Variants in LRCH1 observed in about 807,000 individuals in gnomAD.
LRCH1 encodes leucine rich repeats and calponin homology domain containing 1, also known as leucine-rich repeat and calponin homology domain-containing protein 1.
A neutral mutation model predicts 94.9 loss-of-function variants in LRCH1; 23 were observed. The ratio of observed to expected loss-of-function variants is 0.24; its 90% CI spans 0.17 to 0.34. The LOEUF is 0.34. Ranked by LOEUF, LRCH1 falls within the 10% of genes least tolerant of loss-of-function variation. The pLI is 1.00. For missense variants in LRCH1, 790 were observed against 945.9 expected, an observed-to-expected ratio of 0.84 and a Z score of 2.16; for synonymous variants, 364 against 354.9, an observed-to-expected ratio of 1.03 and a Z score of -0.29.
chr13:46,716,468 GTGAT>G (rs1320133461), intron 16 of LRCH1, among the ~76,000 whole-genome samples: 1 of 152,190 alleles, frequency 6.6e-6, no homozygotes. Flanking sequence ...AGAATACAAA[GTGAT>G]TGCAGTCGAG....
rs67827727 is a variant in LRCH1 at position 46,677,255 on chromosome 13, C to CAA, written c.580-4464_580-4463dup. ...TGAAACCTCGTCTCTACTAAAAATA[C>CAA]AAAAAAAAAAAAAAAAAAAAAAAGT... On this transcript the variant is annotated intron_variant, in intron 3 of 19. Transcript: ENST00000389797. Among the ~76,000 whole-genome samples, 903 of 98,034 alleles carry CAA rather than the reference C, an allele frequency of 9.2e-3. 26 individuals are homozygous for CAA. The highest frequency in any genetic ancestry group is 0.074 in the East Asian group (241 of 3,254). 64.3% of individuals were successfully genotyped at this position (98,034 alleles called of 152,430 possible). A position where few individuals can be genotyped will look rare whatever the true frequency, so the allele number is the denominator to read the frequency against.
intron 17 of LRCH1, among the ~76,000 whole-genome samples, chr13:46,726,862 CAAAAAAAAAA>C (rs71077918): frequency 1.3e-5 from 1 of 78,004 alleles, no homozygotes; most frequent in Non-Finnish European, 2.3e-5. Flanking sequence ...AGAGCAGTGT[CAAAAAAAAAA>C]AAAAAAAAAA....
intron 1 of LRCH1, among the ~76,000 whole-genome samples, chr13:46,628,663 GA>G (rs1168425782): frequency 2.0e-4 from 29 of 144,118 alleles, no homozygotes; most frequent in African/African-American, 5.1e-4. Context: ...TCTCAGGGAA[GA>G]AAAAAAAAAA....
rs186775016 is a variant in LRCH1 at position 46,605,909 on chromosome 13, G to C, written c.308-44292G>C. On this transcript the variant is annotated intron_variant, in intron 1 of 19. Coordinates refer to ENST00000389797, the MANE Select transcript of LRCH1 (RefSeq NM_001164211.2). The stretch of plus-strand genomic sequence containing the variant: ...AAAGATAAGATGTCAGAGCTGGAAG[G>C]CTTCTTAGATATTGTCGGGTTCAAT... Among the ~76,000 whole-genome samples the C allele has an allele frequency of 6.8e-4, 104 of 152,272 alleles. 1 individual carries two copies. Among genetic ancestry groups the C allele is most frequent in the African/African-American group, 2.1e-3 (88 of 41,556 alleles).
intron 1 of LRCH1, among the ~76,000 whole-genome samples, chr13:46,599,340 AT>A (rs922275888): frequency 1.3e-5 from 2 of 151,344 alleles, no homozygotes; most frequent in African/African-American, 2.4e-5. Flanking sequence ...CCTGTTTTCA[AT>A]TTTTTTTTGT....
chr13:46,723,729 A>G (rs757554539), intron 17 of LRCH1, among the ~76,000 whole-genome samples: 7 of 151,982 alleles, frequency 4.6e-5, no homozygotes, highest in Non-Finnish European at 1.0e-4. Context: ...GAGCCCAGGA[A>G]TGCGAGGCTG....
At chr13:46,751,895 G>A (rs148059772) in exon 19 of LRCH1, 53 of 152,348 alleles carry the variant, frequency 3.5e-4, no homozygotes, top group African/African-American at 1.2e-3. Flanking sequence ...TCTGAGATGT[G>A]CTCATTTTAT....
rs551678501 is a variant in LRCH1 at position 46,582,648 on chromosome 13, C to CTTTT, written c.307+28966_307+28969dup. On this transcript the variant is annotated intron_variant, in intron 1 of 19. Coordinates refer to ENST00000389797, the MANE Select transcript of LRCH1 (RefSeq NM_001164211.2). ...CACAGGCACGCACCACCATGCCCAGCTTTTTTTTTTTTTTTTTTTTTTTTG... is the reference window on the plus strand; with the variant it reads ...CACAGGCACGCACCACCATGCCCAGCTTTTTTTTTTTTTTTTTTTTTTTTTTTTG... Among the ~76,000 whole-genome samples, 53 of 23,336 alleles carry CTTTT rather than the reference C, an allele frequency of 2.3e-3. 4 individuals carry two copies. Among genetic ancestry groups the CTTTT allele is most frequent in the African/African-American group, 5.6e-3 (42 of 7,436 alleles). The allele number at this position is 23,336 out of a possible 152,430, so 15.3% of individuals were successfully genotyped here. A position where few individuals can be genotyped will look rare whatever the true frequency, so the allele number is the denominator to read the frequency against.
chr13:46,646,443 C>T (rs1484272504), intron 1 of LRCH1, among the ~76,000 whole-genome samples: 1 of 152,216 alleles, frequency 6.6e-6, no homozygotes, highest in Non-Finnish European at 1.5e-5. Context: ...CCAGAAACAA[C>T]CACTTCAAAC....
intron 2 of LRCH1, among the ~76,000 whole-genome samples, chr13:46,661,616 A>AC (rs2051449597): frequency 6.6e-6 from 1 of 152,352 alleles, no homozygotes; most frequent in East Asian, 1.9e-4. Flanking sequence ...AGTTATTAGT[A>AC]GTTGTCAAGT....
At chr13:46,601,795 C>A (rs575723493) in intron 1 of LRCH1, among the ~76,000 whole-genome samples, 21 of 152,272 alleles carry the variant, frequency 1.4e-4, no homozygotes, top group African/African-American at 4.8e-4. Flanking sequence ...TATGGAGTCG[C>A]AATGCCTGGG....
chr13:46,675,350 T>G (rs561443737), intron 3 of LRCH1, among the ~76,000 whole-genome samples: 17 of 150,710 alleles, frequency 1.1e-4, no homozygotes, highest in Admixed American at 2.7e-4. Flanking sequence ...GGTCCAGAGA[T>G]GTTTTTTTTT....
chr13:46,554,126 C>T (rs1340714227), intron 1 of LRCH1, among the ~76,000 whole-genome samples: 2 of 152,248 alleles, frequency 1.3e-5, no homozygotes, highest in African/African-American at 4.8e-5. Flanking sequence ...ACAGCGGCGT[C>T]GGCGCCTCCA....
At chr13:46,705,352 TG>T (rs774931217) in intron 13 of LRCH1, 48 bp downstream of exon 13, 3 of 1,477,528 alleles carry the variant, frequency 2.0e-6, no homozygotes, top group Non-Finnish European at 2.8e-6. Context: ...TATTTTGCCA[TG>T]GAATACTGGC....
At chr13:46,593,058 T>C (rs1242038171) in intron 1 of LRCH1, among the ~76,000 whole-genome samples, 2 of 151,664 alleles carry the variant, frequency 1.3e-5, no homozygotes, top group African/African-American at 4.8e-5. Context: ...CTGCTTGCCT[T>C]TAAACTGGGA....
chr13:46,686,939 A>G (rs924677436), intron 5 of LRCH1, among the ~76,000 whole-genome samples: 11 of 145,266 alleles, frequency 7.6e-5, no homozygotes, highest in African/African-American at 2.3e-4. Flanking sequence ...AATTTGTTTC[A>G]TGGAGTATAT....
At position 46,681,754 on chromosome 13, in the gene LRCH1, A is replaced by G. The variant is rs1314676294; in HGVS notation, c.593A>G (p.Asn198Ser). 6.2e-7 allele frequency: 1 copy of G among 1,611,932 alleles called. No homozygotes were observed. The highest frequency in any genetic ancestry group is 8.5e-7 in the Non-Finnish European group (1 of 1,178,060). Reference sequence around the variant, plus strand: ...CTTTTGATACAGGATGTCAGCTGCAACGAGATCACAGCGTTGCCCCAGCAG... The same window carrying G: ...CTTTTGATACAGGATGTCAGCTGCAGCGAGATCACAGCGTTGCCCCAGCAG... ...KQLMELDVSC[N>S]EITALPQQIG... is the part of the protein sequence containing the mutation. Residue 198 changes from asparagine to serine, a missense_variant, in exon 4 of 20, where the codon AAC becomes AGC. Coordinates refer to ENST00000389797, the MANE Select transcript of LRCH1 (RefSeq NM_001164211.2).
intron 16 of LRCH1, among the ~76,000 whole-genome samples, chr13:46,720,563 C>T (rs1227413729): frequency 6.6e-6 from 1 of 152,166 alleles, no homozygotes; most frequent in Admixed American, 6.5e-5. Flanking sequence ...GTCTCATGGC[C>T]TCAAGTTAAA....
chr13:46,589,859 A>T (rs1366032615), intron 1 of LRCH1, among the ~76,000 whole-genome samples: 1 of 150,840 alleles, frequency 6.6e-6, no homozygotes, highest in Non-Finnish European at 1.5e-5. Context: ...CCTTGGCTTC[A>T]CAAAGTGCTG....
Sources: gnomAD v4.1 joint callset for allele counts (sites outside exome capture counted in the v4.1 genomes callset) on GRCh38, gnomAD v4.1.1 for gene constraint, MANE v1.5 for transcripts, NCBI Gene and HGNC (gene_info 2026-07-23, HGNC 2026-07-21) for gene names.